Variants in PDCD1LG2 observed in about 807,000 individuals in gnomAD.
PDCD1LG2 encodes B7 dendritic cell molecule.
In PDCD1LG2, 32 loss-of-function variants were observed where a neutral mutation model predicts 28.2. The observed-to-expected ratio is 1.13, with a 90% confidence interval of 0.86 to 1.52. The LOEUF is 1.52. PDCD1LG2 is among the 40% of genes most tolerant of loss of function. The pLI is 0.00. For synonymous variants in PDCD1LG2, 116 were observed against 120.2 expected, an observed-to-expected ratio of 0.97 and a Z score of 0.23; for missense variants, 385 against 323.8, an observed-to-expected ratio of 1.19 and a Z score of -1.45.
chr9:5,516,976 A>C (rs1820179007), intron 1 of PDCD1LG2, among the ~76,000 whole-genome samples: 1 of 152,198 alleles, frequency 6.6e-6, no homozygotes. Context: ...CCGCCAACTC[A>C]GTACGGGGCG....
At chr9:5,540,053 C>A (rs544824997) in intron 3 of PDCD1LG2, among the ~76,000 whole-genome samples, 1 of 152,286 alleles carries the variant, frequency 6.6e-6, no homozygotes, top group Admixed American at 6.5e-5. Flanking sequence ...TCTCTTAGAT[C>A]ACAGTGGAGT....
intron 4 of PDCD1LG2, among the ~76,000 whole-genome samples, chr9:5,556,344 G>A (rs980495512): frequency 6.6e-6 from 1 of 152,214 alleles, no homozygotes; most frequent in African/African-American, 2.4e-5. Flanking sequence ...ATCAATATGG[G>A]TTATCCAATG....
In PDCD1LG2 at chr9:5,549,340, T is replaced by A; in HGVS notation, c.367T>A (p.Tyr123Asn). The A allele has an allele frequency of 1.9e-6, 3 of 1,611,068 alleles. No individual in the cohort carries two copies. The highest frequency in any genetic ancestry group is 2.5e-6 in the Non-Finnish European group (3 of 1,177,404). Reference protein sequence around the residue: ...KYLTLKVKASYRKINTHILKV... With the variant: ...KYLTLKVKASNRKINTHILKV... ...TTTTCTTCTCTATTGTCCAGCTTCC[T>A]ACAGGAAAATAAACACTCACATCCT... Residue 123 changes from tyrosine (Y) to asparagine (N), a missense_variant, in exon 4 of 7, where the codon TAC becomes AAC. Coordinates refer to ENST00000397747, the MANE Select transcript of PDCD1LG2 (RefSeq NM_025239.4).
intron 3 of PDCD1LG2, among the ~76,000 whole-genome samples, chr9:5,535,776 T>C (rs1212572824): frequency 6.6e-6 from 1 of 152,184 alleles, no homozygotes; most frequent in Non-Finnish European, 1.5e-5. Flanking sequence ...ATGAAGTCTA[T>C]AGCTGTCCCT....
At chr9:5,522,012 G>A (rs572148429) in intron 1 of PDCD1LG2, among the ~76,000 whole-genome samples, 1 of 152,282 alleles carries the variant, frequency 6.6e-6, no homozygotes, top group East Asian at 1.9e-4. Flanking sequence ...TCAAGAGAGG[G>A]GCAAACTCAA....
chr9:5,547,420 A>C (rs1257608786), intron 3 of PDCD1LG2, among the ~76,000 whole-genome samples: 2 of 152,214 alleles, frequency 1.3e-5, no homozygotes, highest in African/African-American at 4.8e-5. Context: ...TGGTAACTGC[A>C]TATGGTATTG....
rs539262073 is a variant in PDCD1LG2 at position 5,563,217 on chromosome 9, T to C, written c.816+6T>C. ...AGAGGGAAGTGAACAGTGCTGTGAG[T>C]AAGCATGATTTTTACTTTTCTTTCT... On this transcript the variant is annotated splice_donor_region_variant and intron_variant, in intron 6 of 6. Transcript: ENST00000397747. The C allele has an allele frequency of 2.0e-5, 32 of 1,608,410 alleles. No homozygotes were observed. In the South Asian group the frequency reaches 3.3e-4, roughly 17 times the overall value.
intron 5 of PDCD1LG2, 136 bp downstream of exon 5, chr9:5,557,888 TTGA>T (rs1350530062): frequency 1.8e-6 from 2 of 1,086,500 alleles, no homozygotes. Context: ...TGAGCTTGTC[TTGA>T]TGATTATTTT....
Position 5,511,723 on chromosome 9 carries a change from G to A in PDCD1LG2, c.-15+920G>A, listed in dbSNP as rs143550197. Among the ~76,000 whole-genome samples the A allele has an allele frequency of 3.2e-3, 494 of 152,282 alleles. 2 individuals are homozygous for A. Among genetic ancestry groups the A allele is most frequent in the Middle Eastern group, 0.01 (3 of 294 alleles). ...GTGGATGAACAATCCTGGTCCTGCT[G>A]CTCTTGCCACTGGAACCTGATCTAT... is the stretch of plus-strand genomic sequence containing the variant. On this transcript the variant is annotated intron_variant, in intron 1 of 6. Transcript: ENST00000397747.
chr9:5,515,922 CA>C (rs1204038026), intron 1 of PDCD1LG2, among the ~76,000 whole-genome samples: 196 of 30,286 alleles, frequency 6.5e-3, no homozygotes, highest in African/African-American at 0.02. Context: ...GACTCCATCT[CA>C]AAAAAAAAAA....
At chr9:5,555,375 C>T (rs1378841021) in intron 4 of PDCD1LG2, among the ~76,000 whole-genome samples, 1 of 152,128 alleles carries the variant, frequency 6.6e-6, no homozygotes, top group East Asian at 1.9e-4. Context: ...CAAGATCATG[C>T]CACTGCACTC....
intron 2 of PDCD1LG2, among the ~76,000 whole-genome samples, chr9:5,523,333 G>C (rs2129730971): frequency 6.6e-6 from 1 of 152,328 alleles, no homozygotes; most frequent in East Asian, 1.9e-4. Context: ...GTAACATAGA[G>C]GTGTGGACAG....
rs1816754124 is a variant in PDCD1LG2, at chr9:5,570,683, GTTTCTT to G, written c.*728_*733del. On this transcript the variant is annotated 3_prime_UTR_variant, in exon 7 of 7. Coordinates refer to ENST00000397747, the MANE Select transcript of PDCD1LG2 (RefSeq NM_025239.4). Reference sequence around the variant, plus strand: ...TACATCTTTCCTTTAAAAATTATTGGTTTCTTTTTATTTGTTTTTACCTTAGAAATC... The same window carrying G: ...TACATCTTTCCTTTAAAAATTATTGGTTTATTTGTTTTTACCTTAGAAATC... 1 of 231,644 alleles carries G rather than the reference GTTTCTT, an allele frequency of 4.3e-6. No individual in the cohort carries two copies. The highest frequency in any genetic ancestry group is 6.1e-5 in the East Asian group (1 of 16,328). 14.3% of individuals were successfully genotyped at this position (231,644 alleles called of 1,614,324 possible). A position where few individuals can be genotyped will look rare whatever the true frequency, so the allele number is the denominator to read the frequency against.
intron 3 of PDCD1LG2, among the ~76,000 whole-genome samples, chr9:5,544,420 G>C (rs1820752132): frequency 6.6e-6 from 1 of 152,186 alleles, no homozygotes. Context: ...TTCTGCTGGA[G>C]AGGCCACAAA....
Position 5,549,435 on chromosome 9 carries a change from C to G in PDCD1LG2, c.462C>G (p.Ser154=), listed in dbSNP as rs1393279185. Residue 154 remains serine, a synonymous_variant, in exon 4 of 7, where the codon TCC becomes TCG. Transcript: ENST00000397747. The part of the protein sequence containing the change: ...QATGYPLAEV[S]WPNVSVPANT... ...CAGGTTATCCTCTGGCAGAAGTATC[C>G]TGGCCAAACGTCAGCGTTCCTGCCA... The G allele has an allele frequency of 6.2e-7, 1 of 1,614,076 alleles. No homozygotes were observed. The highest frequency in any genetic ancestry group is 1.3e-5 in the African/African-American group (1 of 74,922).
At chr9:5,558,297 G>C (rs750409218) in intron 5 of PDCD1LG2, among the ~76,000 whole-genome samples, 14 of 152,194 alleles carry the variant, frequency 9.2e-5, no homozygotes, top group Non-Finnish European at 1.5e-4. Context: ...AGCTCCCTTC[G>C]AGTTTCTCCT....
intron 2 of PDCD1LG2, among the ~76,000 whole-genome samples, chr9:5,528,387 G>T (rs754825781): frequency 1.1e-4 from 17 of 150,648 alleles, no homozygotes; most frequent in Admixed American, 9.9e-4. Flanking sequence ...CTGCAGCCTC[G>T]ATCTCTCAGG....
intron 3 of PDCD1LG2, 34 bp downstream of exon 3, chr9:5,535,084 C>G (rs748363015): frequency 6.5e-7 from 1 of 1,539,800 alleles, no homozygotes; most frequent in East Asian, 2.3e-5. Context: ...TCCATGGAAG[C>G]ATCTCTCCAA....
At chr9:5,567,796 T>C (rs1816694014) in intron 6 of PDCD1LG2, among the ~76,000 whole-genome samples, 1 of 152,234 alleles carries the variant, frequency 6.6e-6, no homozygotes, top group Admixed American at 6.5e-5. Context: ...GAAGGATGAA[T>C]TTATCAGTCA....
Sources: allele counts gnomAD v4.1 joint callset (sites outside exome capture counted in the v4.1 genomes callset), GRCh38; gene constraint gnomAD v4.1.1; transcripts MANE v1.5; gene names NCBI Gene and HGNC (gene_info 2026-07-23, HGNC 2026-07-21).